NUMA1: variants seen among roughly 807,000 people sequenced by gnomAD.
NUMA1 encodes nuclear mitotic apparatus protein 1.
A neutral mutation model predicts 237.1 loss-of-function variants in NUMA1; 62 were observed. The ratio of observed to expected loss-of-function variants is 0.26; its 90% CI spans 0.21 to 0.32. NUMA1 has a LOEUF of 0.32. Among genes scored for constraint, NUMA1 ranks in the 10% least tolerant of loss-of-function variants. The pLI is 1.00. For missense variants in NUMA1, 2,533 were observed against 2,666.5 expected (o/e 0.95, Z 1.10); for synonymous variants, 1,028 against 1,066.1 (o/e 0.96, Z 0.70).
intron 7 of NUMA1, 52 bp from the exon 8 acceptor site, chr11:72,021,343 G>A: frequency 6.5e-7 from 1 of 1,534,042 alleles, no homozygotes; most frequent in Non-Finnish European, 9.0e-7. Context: ...CCTCTGAAGG[G>A]ATGGCTGCCA....
chr11:72,018,153 C>G (rs201837239), intron 12 of NUMA1, 30 bp downstream of exon 12: 1 of 1,496,760 alleles, frequency 6.7e-7, no homozygotes, highest in African/African-American at 1.4e-5. Flanking sequence ...CCCTGAGGGG[C>G]CTCCATGCAC....
At chr11:72,043,340 A>T (rs1317596665) in intron 2 of NUMA1, among the ~76,000 whole-genome samples, 1 of 150,292 alleles carries the variant, frequency 6.7e-6, no homozygotes, top group Non-Finnish European at 1.5e-5. Context: ...AAAACAAAAA[A>T]TTAGCCAGGC....
At chr11:72,047,109 G>A (rs1942045025) in intron 2 of NUMA1, among the ~76,000 whole-genome samples, 1 of 152,156 alleles carries the variant, frequency 6.6e-6, no homozygotes, top group Non-Finnish European at 1.5e-5. Flanking sequence ...AGCCTCCTGA[G>A]TAGCTGGGAC....
chr11:72,011,858 C>T (rs1956184555), intron 16 of NUMA1, among the ~76,000 whole-genome samples: 1 of 152,098 alleles, frequency 6.6e-6, no homozygotes, highest in South Asian at 2.1e-4. Flanking sequence ...CTGCTACAGA[C>T]ATCTCTATGC....
In NUMA1 at chr11:72,015,374, G is replaced by T; in HGVS notation, c.2129C>A (p.Ser710Tyr). The change falls in exon 15 of 27, where the codon TCC (serine) becomes TAC (tyrosine). Residue 710 changes from serine (S) to tyrosine (Y), a missense_variant. Coordinates refer to ENST00000393695, the MANE Select transcript of NUMA1 (RefSeq NM_006185.4). This position sits in a 1 kb window ranked among gnomAD's most constrained non-coding sequence, Gnocchi z 4.0. ...AAGGCTGCCCTTGGTGACCTTCAAG[G>T]ACTCTTTGAGGGCCTGGAGCTGCTC... ...LQEQLQALKE[S>Y]LKVTKGSLEE... is the part of the protein sequence containing the mutation. The T allele has an allele frequency of 1.2e-6, 2 of 1,612,580 alleles. No individual in the cohort carries two copies. Among genetic ancestry groups the T allele is most frequent in the South Asian group, 2.2e-5 (2 of 91,086 alleles).
chr11:72,056,635 T>TAAAAAAAAAAAAAAAAAAAAAAAA (rs59248999), intron 2 of NUMA1, among the ~76,000 whole-genome samples: 2 of 76,010 alleles, frequency 2.6e-5, no homozygotes, highest in East Asian at 3.0e-4. Context: ...CCCATCTCTT[T>TAAAAAAAAAAAAAAAAAAAAAAAA]AAAAAAAAAA....
chr11:72,005,951 TA>T, intron 22 of NUMA1, 83 bp downstream of exon 22: 2 of 1,212,430 alleles, frequency 1.6e-6, no homozygotes. Context: ...CTTGGATTTT[TA>T]AAAAGCTTTC....
intron 2 of NUMA1, among the ~76,000 whole-genome samples, chr11:72,046,106 T>C (rs951820420): frequency 8.5e-5 from 13 of 152,178 alleles, no homozygotes; most frequent in African/African-American, 2.9e-4. Flanking sequence ...TCGCCAGGCT[T>C]TCCCTCCTCT....
chr11:72,017,615 G>C (rs1225933637), intron 13 of NUMA1, 72 bp downstream of exon 13: 2 of 1,570,922 alleles, frequency 1.3e-6, no homozygotes, highest in African/African-American at 1.3e-5. Context: ...GCCCAGAAGA[G>C]CACAGTGGTA....
chr11:72,010,896 C>CT, intron 16 of NUMA1, 42 bp from the exon 17 acceptor site: 1 of 1,557,214 alleles, frequency 6.4e-7, no homozygotes, highest in Non-Finnish European at 8.9e-7. Context: ...GGAGGACTTC[C>CT]CCTGGATGTT....
intron 2 of NUMA1, among the ~76,000 whole-genome samples, chr11:72,058,427 A>G (rs1942778003): frequency 6.6e-6 from 1 of 152,200 alleles, no homozygotes; most frequent in South Asian, 2.1e-4. Context: ...CTAAAATTCT[A>G]ACTCATACTT....
intron 7 of NUMA1, among the ~76,000 whole-genome samples, chr11:72,021,612 GTTA>G (rs1938838542): frequency 1.3e-5 from 2 of 152,094 alleles, no homozygotes; most frequent in South Asian, 4.1e-4. Flanking sequence ...TGCTTTTATT[GTTA>G]TTGTTGTTAA....
intron 2 of NUMA1, chr11:72,047,989 G>A (rs1431613663): frequency 1.3e-5 from 2 of 152,164 alleles, no homozygotes; most frequent in African/African-American, 4.8e-5. Context: ...GCCGAACCAA[G>A]CACTGGGCAG....
In NUMA1 at chr11:72,015,472, C is replaced by G. The variant is rs199958873; in HGVS notation, c.2031G>C (p.Glu677Asp). The G allele has an allele frequency of 6.2e-7, 1 of 1,612,676 alleles. No homozygotes were observed. The highest frequency in any genetic ancestry group is 1.3e-5 in the African/African-American group (1 of 75,046). The change falls in exon 15 of 27, where the codon GAG (glutamate) becomes GAC (aspartate). Residue 677 changes from glutamate (E) to aspartate (D), a missense_variant. Transcript: ENST00000393695. This position sits in a 1 kb window ranked among gnomAD's most constrained non-coding sequence, Gnocchi z 4.0. ...HEAQAQVAEL[E>D]LQLRSEQQKA... ...TTTGCTGCTCAGACCGCAGCTGCAA[C>G]TCTAGCTCTGCAACCTGGGCCTGGG...
At chr11:72,036,836 T>C (rs568070101) in intron 2 of NUMA1, among the ~76,000 whole-genome samples, 123 of 152,220 alleles carry the variant, frequency 8.1e-4, no homozygotes, top group African/African-American at 2.9e-3. Context: ...ATTAACTAAA[T>C]ATTCACCAAC....
At chr11:72,044,673 T>TC (rs1941893661) in intron 2 of NUMA1, among the ~76,000 whole-genome samples, 1 of 150,372 alleles carries the variant, frequency 6.7e-6, no homozygotes, top group Non-Finnish European at 1.5e-5. Flanking sequence ...TTTGCTTTTT[T>TC]TTTTTTTTTT....
chr11:72,031,803 G>A (rs1268687343), intron 3 of NUMA1, among the ~76,000 whole-genome samples: 1 of 151,730 alleles, frequency 6.6e-6, no homozygotes, highest in Non-Finnish European at 1.5e-5. Flanking sequence ...AACGGATTGA[G>A]ACCCTGTCTC....
At position 72,015,405 on chromosome 11, in the gene NUMA1, G is replaced by A; in HGVS notation, c.2098C>T (p.Leu700Phe). The A allele has an allele frequency of 6.2e-7, 1 of 1,611,970 alleles. No homozygotes were observed. Among genetic ancestry groups the A allele is most frequent in the Non-Finnish European group, 8.5e-7 (1 of 1,180,032 alleles). ...TTGAGGGCCTGGAGCTGCTCCTGGA[G>A]CTGGTCCTTCTCCTGGGCCACCCTT... ...KERVAQEKDQ[L>F]QEQLQALKES... The change falls in exon 15 of 27, where the codon CTC (leucine) becomes TTC (phenylalanine). Residue 700 changes from leucine to phenylalanine, a missense_variant. By Grantham distance (22) the Leu-to-Phe change is conservative. This residue lies in a region of NUMA1 where 1,414 missense variants were observed against 1,508.1 expected (regional missense o/e 0.94). Coordinates refer to ENST00000393695, the MANE Select transcript of NUMA1 (RefSeq NM_006185.4). The surrounding 1 kb of genome is among the most constrained non-coding windows in gnomAD (Gnocchi z 4.0).
intron 1 of NUMA1, among the ~76,000 whole-genome samples, chr11:72,077,203 G>A (rs1402124761): frequency 6.6e-6 from 1 of 152,168 alleles, no homozygotes; most frequent in African/African-American, 2.4e-5. Flanking sequence ...AGGTAAAGAG[G>A]TAATGATTGG....
Sources: gnomAD v4.1 joint callset for allele counts (sites outside exome capture counted in the v4.1 genomes callset) on GRCh38, gnomAD v4.1.1 for gene constraint, gnomAD v4.1.1 regional missense constraint, Gnocchi (gnomAD v3.1) non-coding constraint, MANE v1.5 for transcripts, NCBI Gene and HGNC (gene_info 2026-07-23, HGNC 2026-07-21) for gene names.